Variants in ENPP5 observed in about 807,000 individuals in gnomAD.
ENPP5 encodes the protein E-NPP 5.
ENPP5 carries 27 observed loss-of-function variants against 33.7 expected under a neutral mutation model. The ratio of observed to expected loss-of-function variants is 0.80; its 90% CI spans 0.59 to 1.11. ENPP5 has a LOEUF of 1.11. Ranked by LOEUF, ENPP5 falls within the 50% of genes least tolerant of loss-of-function variation. ENPP5 has a pLI of 0.00. For missense variants in ENPP5, 552 were observed against 579.2 expected (o/e 0.95, Z 0.48); for synonymous variants, 199 against 200.5 (o/e 0.99, Z 0.06).
chr6:46,166,696 G>A (rs1044502554), intron 3 of ENPP5, among the ~76,000 whole-genome samples: 34 of 152,096 alleles, frequency 2.2e-4, no homozygotes, highest in African/African-American at 7.2e-4. Context: ...TCTGAGGGAT[G>A]GAATTCTCAT....
At position 46,167,706 on chromosome 6, in the gene ENPP5, T is replaced by A; in HGVS notation, c.557A>T (p.Tyr186Phe). 6.2e-6 allele frequency: 10 copies of A among 1,614,184 alleles called. No individual in the cohort carries two copies. Among genetic ancestry groups the A allele is most frequent in the Non-Finnish European group, 8.5e-6 (10 of 1,180,032 alleles). The change falls in exon 3 of 5, where the codon TAT (tyrosine) becomes TTT (phenylalanine). Residue 186 changes from tyrosine (Y) to phenylalanine (F), a missense_variant. Coordinates refer to ENST00000371383, the MANE Select transcript of ENPP5 (RefSeq NM_001290072.2). Reference sequence around the variant, plus strand: ...GCCCATGTCATCAGGGTCTTCCCAATAGAGAAGACCAAGATTTATGGGCTC... The same window carrying A: ...GCCCATGTCATCAGGGTCTTCCCAAAAGAGAAGACCAAGATTTATGGGCTC... ...SKEPINLGLL[Y>F]WEDPDDMGHH...
Position 46,165,501 on chromosome 6 carries a change from T to C in ENPP5, c.892A>G (p.Lys298Glu), listed in dbSNP as rs750327968. 3 of 1,611,448 alleles carry C rather than the reference T, an allele frequency of 1.9e-6. No individual in the cohort carries two copies. The highest frequency in any genetic ancestry group is 1.3e-5 in the African/African-American group (1 of 74,764). The change falls in exon 4 of 5, where the codon AAA becomes GAA. Residue 298 changes from lysine (K) to glutamate (E), a missense_variant. Coordinates refer to ENST00000371383, the MANE Select transcript of ENPP5 (RefSeq NM_001290072.2). ...TGCCACCTTTCTGGAACGTCTTCTT[T>C]TTTGTAAACAGTAAGATTAGGATGA... Reference protein sequence around the residue: ...HAHPNLTVYKKEDVPERWHYK... With the variant: ...HAHPNLTVYKEEDVPERWHYK...
Position 46,161,451 on chromosome 6 carries a change from C to A in ENPP5, c.1309G>T (p.Val437Phe), listed in dbSNP as rs546925640. The change falls in exon 5 of 5, where the codon GTC (valine) becomes TTC (phenylalanine). Residue 437 changes from valine (V) to phenylalanine (F), a missense_variant. Transcript: ENST00000371383. ...QEGSYPYFIG[V>F]SLGSIIVIVF... ...ATCACTATAATGCTGCCAAGAGAGA[C>A]CCCTATGAAATAAGGGTATGACCCC... The A allele has an allele frequency of 9.9e-6, 16 of 1,613,850 alleles. No homozygotes were observed. In the Middle Eastern group the frequency reaches 6.6e-4, roughly 67 times the overall value.
rs1006324164 is a variant in ENPP5, at chr6:46,170,061, C to T, written c.-44G>A. 1 of 152,202 alleles carries T rather than the reference C, an allele frequency of 6.6e-6. No homozygotes were observed. The highest frequency in any genetic ancestry group is 1.5e-5 in the Non-Finnish European group (1 of 68,040). 9.4% of individuals were successfully genotyped at this position (152,202 alleles called of 1,614,324 possible). A position where few individuals can be genotyped will look rare whatever the true frequency, so the allele number is the denominator to read the frequency against. On this transcript the variant is annotated 5_prime_UTR_variant, in exon 2 of 5. Transcript: ENST00000371383. ...CAAATATATTTACTCACCTATCTGG[C>T]TATGGATGGTAGTTGCTCTCTCTGT...
At chr6:46,163,768 A>C (rs1263784291) in intron 4 of ENPP5, among the ~76,000 whole-genome samples, 1 of 152,080 alleles carries the variant, frequency 6.6e-6, no homozygotes, top group Non-Finnish European at 1.5e-5. Flanking sequence ...TTTGATTTGC[A>C]CTTCTCTGAT....
intron 4 of ENPP5, 92 bp downstream of exon 4, chr6:46,165,295 A>T (rs922411079): frequency 2.1e-6 from 2 of 951,764 alleles, no homozygotes; most frequent in African/African-American, 3.4e-5. Flanking sequence ...CAGTAAAAAT[A>T]TCAATCAATA....
intron 4 of ENPP5, among the ~76,000 whole-genome samples, chr6:46,162,492 G>A (rs985232572): frequency 2.0e-5 from 3 of 152,126 alleles, no homozygotes; most frequent in African/African-American, 7.2e-5. Context: ...TGGTATCAAG[G>A]TACAAGGCAA....
intron 2 of ENPP5, among the ~76,000 whole-genome samples, chr6:46,169,100 TA>T (rs2127499801): frequency 6.6e-6 from 1 of 152,342 alleles, no homozygotes; most frequent in East Asian, 1.9e-4. Flanking sequence ...TTCCCTGGTT[TA>T]AAGCTCTGTG....
Position 46,161,575 on chromosome 6 carries a change from G to T in ENPP5, c.1185C>A (p.Val395=). 1 of 1,614,066 alleles carries T rather than the reference G, an allele frequency of 6.2e-7. No homozygotes were observed. The highest frequency in any genetic ancestry group is 8.5e-7 in the Non-Finnish European group (1 of 1,179,972). ...GCATTGCTGAATTGAGCAGATCCTGGACATTCCAGAATGATCCATTGTGTG... is the reference window on the plus strand; with the variant it reads ...GCATTGCTGAATTGAGCAGATCCTGTACATTCCAGAATGATCCATTGTGTG... The part of the protein sequence containing the change: ...AMPHNGSFWN[V]QDLLNSAMPR... Residue 395 remains valine (V), a synonymous_variant, in exon 5 of 5, where the codon GTC becomes GTA. Transcript: ENST00000371383.
At chr6:46,169,253 G>C (rs1225534808) in intron 2 of ENPP5, among the ~76,000 whole-genome samples, 1 of 152,148 alleles carries the variant, frequency 6.6e-6, no homozygotes, top group Non-Finnish European at 1.5e-5. Context: ...TGCACATCCA[G>C]CAGGGATCTT....
chr6:46,161,254 A>T lies in ENPP5; in HGVS notation c.*72T>A. On this transcript the variant is annotated 3_prime_UTR_variant, in exon 5 of 5. Coordinates refer to ENST00000371383, the MANE Select transcript of ENPP5 (RefSeq NM_001290072.2). Reference sequence around the variant, plus strand: ...AAATGTTTGGAACTGGTTTCCCAGAATTTGAAACCTTTAAACACTGACATA... The same window carrying T: ...AAATGTTTGGAACTGGTTTCCCAGATTTTGAAACCTTTAAACACTGACATA... 4 of 1,353,186 alleles carry T rather than the reference A, an allele frequency of 3.0e-6. No individual in the cohort carries two copies. Among genetic ancestry groups the T allele is most frequent in the Non-Finnish European group, 4.0e-6 (4 of 987,996 alleles). The allele number at this position is 1,353,186 out of a possible 1,614,324, so 83.8% of individuals were successfully genotyped here. A position where few individuals can be genotyped will look rare whatever the true frequency, so the allele number is the denominator to read the frequency against.
In ENPP5 at chr6:46,168,100, T is replaced by C. The variant is rs769767805; in HGVS notation, c.163A>G (p.Met55Val). ...KVPTPHFHYI[M>V]KYGVHVKQVT... ...TGCTTCACGTGAACACCATATTTCA[T>C]AATATAATGAAAATGGGGCGTTGGA... The change falls in exon 3 of 5, where the codon ATG becomes GTG. Residue 55 changes from methionine to valine, a missense_variant. Coordinates refer to ENST00000371383, the MANE Select transcript of ENPP5 (RefSeq NM_001290072.2). 9.3e-6 allele frequency: 15 copies of C among 1,613,848 alleles called. No homozygotes were observed. Among genetic ancestry groups the C allele is most frequent in the African/African-American group, 4.0e-5 (3 of 74,920 alleles).
chr6:46,163,706 A>G (rs1764457116), intron 4 of ENPP5, among the ~76,000 whole-genome samples: 1 of 151,956 alleles, frequency 6.6e-6, no homozygotes, highest in Admixed American at 6.6e-5. Context: ...TTGTTTCCTG[A>G]CTTTTTAATG....
At position 46,168,013 on chromosome 6, in the gene ENPP5, A is replaced by C; in HGVS notation, c.250T>G (p.Phe84Val). 6.2e-7 allele frequency: 1 copy of C among 1,614,230 alleles called. No individual in the cohort carries two copies. The highest frequency in any genetic ancestry group is 8.5e-7 in the Non-Finnish European group (1 of 1,180,042). Residue 84 changes from phenylalanine (F) to valine (V), a missense_variant, in exon 3 of 5, where the codon TTT (phenylalanine) becomes GTT (valine). Transcript: ENST00000371383. ...PNHYTLVTGL[F>V]AENHGIVAND... ...GCAACAATCCCATGATTCTCTGCAA[A>C]GAGGCCAGTTACCAAAGTATAATGG...
Position 46,159,759 on chromosome 6 carries a change from T to G in ENPP5, c.*1567A>C, listed in dbSNP as rs545058069. 1 of 152,330 alleles carries G rather than the reference T, an allele frequency of 6.6e-6. No individual in the cohort carries two copies. The highest frequency in any genetic ancestry group is 2.1e-4 in the South Asian group (1 of 4,820). The allele number at this position is 152,330 out of a possible 1,614,324, so 9.4% of individuals were successfully genotyped here. Reference sequence around the variant, plus strand: ...CTTCACATCCCATTTGTCCTTTCTTTCTGGAATAGTAATACAATTTTACCT... The same window carrying G: ...CTTCACATCCCATTTGTCCTTTCTTGCTGGAATAGTAATACAATTTTACCT... On this transcript the variant is annotated 3_prime_UTR_variant, in exon 5 of 5. Transcript: ENST00000371383.
rs1279788127 is a variant in ENPP5 at position 46,160,096 on chromosome 6, A to G, written c.*1230T>C. 1 of 152,192 alleles carries G rather than the reference A, an allele frequency of 6.6e-6. No individual in the cohort carries two copies. The highest frequency in any genetic ancestry group is 1.5e-5 in the Non-Finnish European group (1 of 68,036). 9.4% of individuals were successfully genotyped at this position (152,192 alleles called of 1,614,324 possible). On this transcript the variant is annotated 3_prime_UTR_variant, in exon 5 of 5. Transcript: ENST00000371383. ...GAGCACCTGGTAGGTGGGTATTCACATATTTCTTGAAACAGAGCTATATCA... is the reference window on the plus strand; with the variant it reads ...GAGCACCTGGTAGGTGGGTATTCACGTATTTCTTGAAACAGAGCTATATCA...
At chr6:46,161,784 C>A in intron 4 of ENPP5, 31 bp from the exon 5 acceptor site, 1 of 1,519,508 alleles carries the variant, frequency 6.6e-7, no homozygotes, top group South Asian at 1.1e-5. Flanking sequence ...AAAAAGTTAG[C>A]CAACTATGCA....
Position 46,159,378 on chromosome 6 carries a change from T to C in ENPP5, c.*1948A>G, listed in dbSNP as rs1562065732. On this transcript the variant is annotated 3_prime_UTR_variant, in exon 5 of 5. Coordinates refer to ENST00000371383, the MANE Select transcript of ENPP5 (RefSeq NM_001290072.2). The stretch of plus-strand genomic sequence containing the variant: ...TAATTTAAATGGACAGATAGCATAA[T>C]AGTAATGCTCTAAAATGGACCAATT... 1 of 152,190 alleles carries C rather than the reference T, an allele frequency of 6.6e-6. No individual in the cohort carries two copies. The highest frequency in any genetic ancestry group is 1.5e-5 in the Non-Finnish European group (1 of 68,026). 9.4% of individuals were successfully genotyped at this position (152,190 alleles called of 1,614,324 possible).
intron 4 of ENPP5, 119 bp downstream of exon 4, chr6:46,165,267 TA>T: frequency 5.2e-6 from 4 of 763,658 alleles, no homozygotes; most frequent in Non-Finnish European, 7.9e-6. Context: ...TGTAGTTCCT[TA>T]ATATTCAAGT....
Sources: gnomAD v4.1 joint callset for allele counts (sites outside exome capture counted in the v4.1 genomes callset) on GRCh38, gnomAD v4.1.1 for gene constraint, MANE v1.5 for transcripts, NCBI Gene and HGNC (gene_info 2026-07-23, HGNC 2026-07-21) for gene names.